ZBTB7C: variants seen among roughly 807,000 people sequenced by gnomAD.
ZBTB7C encodes zinc finger and BTB domain-containing protein 7C.
ZBTB7C carries 8 observed loss-of-function variants against 25.7 expected under a neutral mutation model. The observed-to-expected ratio is 0.31, with a 90% CI of 0.18 to 0.56. ZBTB7C has a LOEUF of 0.56. Among genes scored for constraint, ZBTB7C ranks in the 20% least tolerant of loss-of-function variants. ZBTB7C has a pLI of 0.91. For synonymous variants in ZBTB7C, 394 were observed against 369.0 expected, an observed-to-expected ratio of 1.07 and a Z score of -0.78; for missense variants, 824 against 855.2, an observed-to-expected ratio of 0.96 and a Z score of 0.46.
chr18:48,372,343 G>A (rs892634210), intron 1 of ZBTB7C, among the ~76,000 whole-genome samples: 11 of 152,190 alleles, frequency 7.2e-5, no homozygotes, highest in African/African-American at 2.7e-4. Flanking sequence ...CTCAGCAAGT[G>A]TGCATGTGCC....
chr18:48,129,285 C>T (rs2039909484), intron 3 of ZBTB7C, among the ~76,000 whole-genome samples: 1 of 151,652 alleles, frequency 6.6e-6, no homozygotes, highest in South Asian at 2.1e-4. Context: ...TCCCAATGTC[C>T]CCATCTCCTG....
At chr18:48,088,702 T>C (rs1049823667) in intron 3 of ZBTB7C, among the ~76,000 whole-genome samples, 1 of 151,892 alleles carries the variant, frequency 6.6e-6, no homozygotes, top group Non-Finnish European at 1.5e-5. Flanking sequence ...TGGTGGTGCA[T>C]ACCTGTAATC....
chr18:48,179,440 A>C (rs561040449), intron 3 of ZBTB7C, among the ~76,000 whole-genome samples: 1 of 152,284 alleles, frequency 6.6e-6, no homozygotes, highest in Admixed American at 6.5e-5. Context: ...TCAGGTGCTC[A>C]AGGAGGCAGA....
At chr18:48,100,039 AG>A (rs2038776835) in intron 3 of ZBTB7C, among the ~76,000 whole-genome samples, 1 of 152,206 alleles carries the variant, frequency 6.6e-6, no homozygotes, top group African/African-American at 2.4e-5. Context: ...CTCTGGCAGC[AG>A]CAGATGACTG....
intron 3 of ZBTB7C, among the ~76,000 whole-genome samples, chr18:48,072,024 T>G (rs1158827990): frequency 6.6e-6 from 1 of 152,208 alleles, no homozygotes; most frequent in East Asian, 1.9e-4. Flanking sequence ...GTGGTGATGT[T>G]TGCATTACAC....
intron 1 of ZBTB7C, among the ~76,000 whole-genome samples, chr18:48,394,467 A>G (rs1324189833): frequency 6.6e-6 from 1 of 152,244 alleles, no homozygotes; most frequent in Non-Finnish European, 1.5e-5. Flanking sequence ...GGGAAAGATC[A>G]GATGCAGTGG....
intron 3 of ZBTB7C, among the ~76,000 whole-genome samples, chr18:48,113,081 G>A (rs926038831): frequency 6.6e-6 from 1 of 152,176 alleles, no homozygotes; most frequent in Non-Finnish European, 1.5e-5. Context: ...CTGGTAAGTC[G>A]ATGGGGTGAT....
chr18:48,039,798 T>C (rs950433125), intron 4 of ZBTB7C, 102 bp downstream of exon 4: 2 of 1,225,424 alleles, frequency 1.6e-6, no homozygotes, highest in Non-Finnish European at 2.3e-6. Flanking sequence ...GTGTGTGGGA[T>C]CTATCTGGGT....
intron 3 of ZBTB7C, among the ~76,000 whole-genome samples, chr18:48,049,497 G>A (rs1159662704): frequency 6.6e-6 from 1 of 152,192 alleles, no homozygotes; most frequent in Non-Finnish European, 1.5e-5. Flanking sequence ...GGTAGACACT[G>A]TATGAATGAG....
intron 2 of ZBTB7C, among the ~76,000 whole-genome samples, chr18:48,228,081 C>T (rs2043151436): frequency 6.6e-6 from 1 of 152,114 alleles, no homozygotes; most frequent in South Asian, 2.1e-4. Context: ...CAGCGTCTCC[C>T]TGAATGAACA....
At chr18:48,302,387 T>A (rs1026156824) in intron 2 of ZBTB7C, among the ~76,000 whole-genome samples, 18 of 152,192 alleles carry the variant, frequency 1.2e-4, no homozygotes, top group Non-Finnish European at 2.1e-4. Context: ...TCTCTCCCTT[T>A]TTACTGCAAT....
chr18:48,299,169 C>T (rs1356461148), intron 2 of ZBTB7C, among the ~76,000 whole-genome samples: 1 of 152,136 alleles, frequency 6.6e-6, no homozygotes, highest in African/African-American at 2.4e-5. Context: ...AGGGAGAGGC[C>T]TGGAGGAGAG....
At chr18:48,189,735 G>T (rs1483583023) in intron 2 of ZBTB7C, among the ~76,000 whole-genome samples, 1 of 152,152 alleles carries the variant, frequency 6.6e-6, no homozygotes, top group Non-Finnish European at 1.5e-5. Context: ...CCTGACCTGG[G>T]TGCTCTCAAT....
At chr18:48,247,005 T>G (rs2043713976) in intron 2 of ZBTB7C, among the ~76,000 whole-genome samples, 1 of 152,208 alleles carries the variant, frequency 6.6e-6, no homozygotes, top group South Asian at 2.1e-4. Context: ...ACCCCAGGGT[T>G]GCAAGCAAGT....
intron 3 of ZBTB7C, among the ~76,000 whole-genome samples, chr18:48,136,083 G>GC (rs2040146901): frequency 6.6e-6 from 1 of 151,812 alleles, no homozygotes; most frequent in African/African-American, 2.4e-5. Context: ...GGGGTGGGCG[G>GC]CGGGCAGGGG....
At chr18:48,088,762 G>A (rs537134412) in intron 3 of ZBTB7C, among the ~76,000 whole-genome samples, 2 of 152,242 alleles carry the variant, frequency 1.3e-5, no homozygotes, top group East Asian at 3.9e-4. Context: ...CCTGGAAGGT[G>A]GAGGTTGCAG....
Position 48,384,514 on chromosome 18 carries a change from G to C in ZBTB7C, c.-304+24712C>G, listed in dbSNP as rs1483904237. Among the ~76,000 whole-genome samples, 6 of 152,340 alleles carry C rather than the reference G, an allele frequency of 3.9e-5. No homozygotes were observed. The East Asian group carries it at 9.6e-4, about 24-fold the overall frequency. Reference sequence around the variant, plus strand: ...GAAGGGTGTGGTTAGAAAGTTGGGAGAGGGATTGCTGAAGATGTAGTACAG... The same window carrying C: ...GAAGGGTGTGGTTAGAAAGTTGGGACAGGGATTGCTGAAGATGTAGTACAG... On this transcript the variant is annotated intron_variant, in intron 1 of 4. Coordinates refer to ENST00000590800, the MANE Select transcript of ZBTB7C (RefSeq NM_001318841.2).
At chr18:48,317,257 CAAAAAAAAA>C (rs71165318) in intron 2 of ZBTB7C, among the ~76,000 whole-genome samples, 2 of 69,438 alleles carry the variant, frequency 2.9e-5, no homozygotes, top group African/African-American at 1.1e-4. Context: ...AACTCCGTCT[CAAAAAAAAA>C]AAAAAAAAAA....
At chr18:48,127,137 A>G (rs2039827388) in intron 3 of ZBTB7C, among the ~76,000 whole-genome samples, 1 of 152,104 alleles carries the variant, frequency 6.6e-6, no homozygotes. Context: ...CCATTTTGCA[A>G]ATGGGGAAAC....
Sources: gnomAD v4.1 joint callset for allele counts (sites outside exome capture counted in the v4.1 genomes callset) on GRCh38, gnomAD v4.1.1 for gene constraint, MANE v1.5 for transcripts, NCBI Gene and HGNC (gene_info 2026-07-23, HGNC 2026-07-21) for gene names.